The following BCAS4 variants were observed in gnomAD, a reference collection of about 807,000 sequenced individuals.
The protein encoded by BCAS4 is breast carcinoma amplified sequence 4.
BCAS4 carries 9 observed loss-of-function variants against 15.7 expected under a neutral mutation model. That is an observed-to-expected ratio of 0.57 (90% CI 0.34 to 1.00). The LOEUF (loss-of-function observed/expected upper bound fraction) is 1.00. Ranked by LOEUF, BCAS4 falls within the 50% of genes least tolerant of loss-of-function variation. The pLI is 0.02. For synonymous variants in BCAS4, 101 were observed against 99.5 expected (o/e 1.02, Z -0.09); for missense variants, 225 against 239.1 (o/e 0.94, Z 0.39).
chr20:50,846,515 A>G (rs571072253), intron 4 of BCAS4: 6 of 151,268 alleles, frequency 4.0e-5, no homozygotes, highest in African/African-American at 1.5e-4. Flanking sequence ...AATTGTTCCG[A>G]GATGGCTTCT....
chr20:50,826,299 G>T (rs931225916), intron 2 of BCAS4, among the ~76,000 whole-genome samples: 8 of 152,142 alleles, frequency 5.3e-5, no homozygotes, highest in African/African-American at 1.9e-4. Context: ...AGAGCGTGGA[G>T]CTGGGGTGAG....
intron 2 of BCAS4, among the ~76,000 whole-genome samples, chr20:50,825,018 G>T (rs2088263193): frequency 1.3e-5 from 2 of 152,090 alleles, no homozygotes; most frequent in Non-Finnish European, 2.9e-5. Context: ...ATCTGGATTA[G>T]ACTCCTCCCT....
downstream of BCAS4, chr20:50,877,431 G>A (rs1980012415): frequency 6.6e-6 from 1 of 152,248 alleles, no homozygotes; most frequent in Non-Finnish European, 1.5e-5. Flanking sequence ...TCCTGCTATT[G>A]TCCTAACACT....
intron 1 of BCAS4, among the ~76,000 whole-genome samples, chr20:50,797,780 C>T (rs1600840523): frequency 6.6e-6 from 1 of 152,190 alleles, no homozygotes; most frequent in East Asian, 2.0e-4. Flanking sequence ...ATTCTCCTGC[C>T]TCAGCCTCCC....
At chr20:50,826,982 A>G (rs936460140) in intron 2 of BCAS4, among the ~76,000 whole-genome samples, 3 of 152,114 alleles carry the variant, frequency 2.0e-5, no homozygotes, top group African/African-American at 4.8e-5. Flanking sequence ...CAAAAAAACA[A>G]AAAACAACCC....
intron 3 of BCAS4, among the ~76,000 whole-genome samples, chr20:50,838,133 ACACT>A (rs1358231428): frequency 6.6e-6 from 1 of 152,214 alleles, no homozygotes; most frequent in African/African-American, 2.4e-5. Flanking sequence ...TGCTAAGGAT[ACACT>A]CACTCACTCA....
intron 2 of BCAS4, among the ~76,000 whole-genome samples, chr20:50,823,404 G>A (rs142598661): frequency 6.6e-6 from 1 of 152,196 alleles, no homozygotes; most frequent in Non-Finnish European, 1.5e-5. Flanking sequence ...CCAAATGTCC[G>A]TCAGCAGTAG....
At chr20:50,868,678 C>A (rs1221826577) in intron 4 of BCAS4, among the ~76,000 whole-genome samples, 1 of 152,190 alleles carries the variant, frequency 6.6e-6, no homozygotes, top group African/African-American at 2.4e-5. Context: ...CCACCTTGGC[C>A]TCCCAAAGGC....
chr20:50,822,635 G>C (rs2088229767), intron 2 of BCAS4, among the ~76,000 whole-genome samples: 1 of 151,242 alleles, frequency 6.6e-6, no homozygotes, highest in Admixed American at 6.6e-5. Flanking sequence ...GTTTCTTACA[G>C]GTTTTTTTTT....
chr20:50,866,130 C>T (rs142037095), intron 4 of BCAS4, among the ~76,000 whole-genome samples: 54 of 152,328 alleles, frequency 3.5e-4, no homozygotes, highest in African/African-American at 1.2e-3. Flanking sequence ...TCCAAGCCCG[C>T]TTTCTCATCT....
At chr20:50,867,082 T>C (rs984374931) in intron 4 of BCAS4, among the ~76,000 whole-genome samples, 14 of 152,356 alleles carry the variant, frequency 9.2e-5, no homozygotes, top group Middle Eastern at 3.4e-3. Flanking sequence ...GCTATGATAG[T>C]ACAGAGACTC....
downstream of BCAS4, chr20:50,877,751 C>G (rs1980024867): frequency 6.6e-6 from 1 of 152,276 alleles, no homozygotes; most frequent in Non-Finnish European, 1.5e-5. Context: ...TTCAAGGAAG[C>G]CTAAAATAAT....
chr20:50,863,696 G>T (rs897079795), intron 4 of BCAS4, among the ~76,000 whole-genome samples: 1 of 152,190 alleles, frequency 6.6e-6, no homozygotes, highest in African/African-American at 2.4e-5. Flanking sequence ...GTTGGTGGCC[G>T]GACTGTAGCC....
intron 1 of BCAS4, among the ~76,000 whole-genome samples, chr20:50,801,795 C>A (rs562749951): frequency 8.5e-5 from 13 of 152,204 alleles, no homozygotes; most frequent in African/African-American, 2.9e-4. Context: ...ATAAATGCCA[C>A]ACAGGAGACA....
chr20:50,876,578 C>T lies in BCAS4; in HGVS notation c.492C>T (p.His164=). The T allele has an allele frequency of 6.2e-7, 1 of 1,614,120 alleles. No individual in the cohort carries two copies. The highest frequency in any genetic ancestry group is 1.1e-5 in the South Asian group (1 of 91,082). The change falls in exon 5 of 5, where the codon CAC becomes CAT. Residue 164 remains histidine, a synonymous_variant. Transcript: ENST00000371608. ...YFPVDAGEAQ[H]HPRTCPRPL ...CTGTGGACGCCGGGGAAGCACAGCACCACCCCCGCACCTGCCCTCGGCCTT... is the reference window on the plus strand; with the variant it reads ...CTGTGGACGCCGGGGAAGCACAGCATCACCCCCGCACCTGCCCTCGGCCTT...
intron 1 of BCAS4, among the ~76,000 whole-genome samples, chr20:50,805,881 G>A (rs2087983065): frequency 6.6e-6 from 1 of 151,716 alleles, no homozygotes; most frequent in African/African-American, 2.4e-5. Context: ...AGGCTCTGAG[G>A]TAGGAAAATT....
chr20:50,847,502 G>A (rs2123815972), intron 4 of BCAS4, among the ~76,000 whole-genome samples: 1 of 152,316 alleles, frequency 6.6e-6, no homozygotes, highest in South Asian at 2.1e-4. Flanking sequence ...GCTGTGCCAG[G>A]CACTGTTTTC....
At chr20:50,799,001 TC>T (rs2087897845) in intron 1 of BCAS4, among the ~76,000 whole-genome samples, 1 of 152,122 alleles carries the variant, frequency 6.6e-6, no homozygotes, top group African/African-American at 2.4e-5. Context: ...CCAGGCAGGG[TC>T]CTGGGGGAGG....
At chr20:50,820,080 T>C (rs981664345) in intron 2 of BCAS4, among the ~76,000 whole-genome samples, 3 of 152,218 alleles carry the variant, frequency 2.0e-5, no homozygotes, top group Non-Finnish European at 4.4e-5. Context: ...TGGCCTTAAG[T>C]GATCCTCCCG....
Sources: gnomAD v4.1 joint callset for allele counts (sites outside exome capture counted in the v4.1 genomes callset) on GRCh38, gnomAD v4.1.1 for gene constraint, MANE v1.5 for transcripts, NCBI Gene and HGNC (gene_info 2026-07-23, HGNC 2026-07-21) for gene names.